SLC35A5: variants seen among roughly 807,000 people sequenced by gnomAD.
The protein encoded by SLC35A5 is UDP-sugar transporter protein SLC35A5.
A neutral mutation model predicts 36.3 loss-of-function variants in SLC35A5; 28 were observed. The ratio of observed to expected loss-of-function variants is 0.77; its 90% CI spans 0.57 to 1.06. The LOEUF is 1.06. Ranked by LOEUF, SLC35A5 falls within the 50% of genes least tolerant of loss-of-function variation. SLC35A5 has a pLI of 0.00. For synonymous variants in SLC35A5, 180 were observed against 173.7 expected, an observed-to-expected ratio of 1.04 and a Z score of -0.29; for missense variants, 521 against 499.3, an observed-to-expected ratio of 1.04 and a Z score of -0.41.
chr3:112,574,227 C>T (rs1452299384), intron 5 of SLC35A5, among the ~76,000 whole-genome samples: 1 of 152,146 alleles, frequency 6.6e-6, no homozygotes, highest in Non-Finnish European at 1.5e-5. Context: ...ATATTTAGTG[C>T]CAGATTTTCA....
intron 4 of SLC35A5, among the ~76,000 whole-genome samples, chr3:112,570,992 C>CT (rs1934411542): frequency 6.6e-6 from 1 of 152,186 alleles, no homozygotes; most frequent in South Asian, 2.1e-4. Context: ...CCACTAACCT[C>CT]TAATTATCTC....
chr3:112,563,593 G>T, intron 2 of SLC35A5, 60 bp downstream of exon 2: 1 of 1,467,400 alleles, frequency 6.8e-7, no homozygotes, highest in Middle Eastern at 1.9e-4. Context: ...TCTCTCTCTT[G>T]CCTTTGGTTC....
Position 112,582,785 on chromosome 3 carries a change from T to G in SLC35A5, c.*49T>G, listed in dbSNP as rs766609265. ...TCTCTTGAACCTTATTTTCACATTT[T>G]CAGTGTTTGTAATATTTATCTTTTC... On this transcript the variant is annotated 3_prime_UTR_variant, in exon 7 of 7. Coordinates refer to ENST00000492406, the MANE Select transcript of SLC35A5 (RefSeq NM_017945.5). 4 of 1,399,686 alleles carry G rather than the reference T, an allele frequency of 2.9e-6. No individual in the cohort carries two copies. In the Admixed American group the frequency reaches 7.1e-5, roughly 25 times the overall value. 86.7% of individuals were successfully genotyped at this position (1,399,686 alleles called of 1,614,324 possible).
intron 5 of SLC35A5, among the ~76,000 whole-genome samples, chr3:112,574,785 A>T (rs182177048): frequency 3.9e-5 from 6 of 152,092 alleles, no homozygotes; most frequent in Admixed American, 1.3e-4. Flanking sequence ...ACAAAGATTT[A>T]ATTTGTTGAG....
At chr3:112,577,801 C>T (rs1576758676) in intron 5 of SLC35A5, among the ~76,000 whole-genome samples, 2 of 152,166 alleles carry the variant, frequency 1.3e-5, no homozygotes, top group Non-Finnish European at 2.9e-5. Context: ...AAGCATTTCT[C>T]CAGAATCATT....
At chr3:112,565,176 A>G (rs1485781372) in intron 2 of SLC35A5, among the ~76,000 whole-genome samples, 1 of 151,026 alleles carries the variant, frequency 6.6e-6, no homozygotes, top group African/African-American at 2.4e-5. Context: ...CTCAAGACTT[A>G]GTTTATTAGG....
Position 112,581,182 on chromosome 3 carries a change from C to T in SLC35A5, c.1065C>T (p.Pro355=). 2 of 1,613,984 alleles carry T rather than the reference C, an allele frequency of 1.2e-6. No homozygotes were observed. The highest frequency in any genetic ancestry group is 1.6e-4 in the Middle Eastern group (1 of 6,062). ...TVSVLVFDFR[P]SLEFFLEAPS... ...CTGTCCTGGTCTTTGACTTCAGGCC[C>T]TCCCTGGAATTTTTCTTGGAAGCCC... is the stretch of plus-strand genomic sequence containing the variant. The change falls in exon 6 of 7, where the codon CCC becomes CCT. Residue 355 remains proline, a synonymous_variant. Transcript: ENST00000492406.
In SLC35A5 at chr3:112,583,277, T is replaced by C; in HGVS notation, c.*541T>C. ...ACCTGGCCATACCATAGATTTGGGA[T>C]GATGTAGTCTGTGCTAAATATTTTG... On this transcript the variant is annotated 3_prime_UTR_variant, in exon 7 of 7. Coordinates refer to ENST00000492406, the MANE Select transcript of SLC35A5 (RefSeq NM_017945.5). 5.1e-6 allele frequency: 2 copies of C among 395,800 alleles called. No individual in the cohort carries two copies. Among genetic ancestry groups the C allele is most frequent in the Non-Finnish European group, 4.5e-6 (1 of 224,562 alleles). 24.5% of individuals were successfully genotyped at this position (395,800 alleles called of 1,614,324 possible). A position where few individuals can be genotyped will look rare whatever the true frequency, so the allele number is the denominator to read the frequency against.
At chr3:112,576,746 G>A (rs977452106) in intron 5 of SLC35A5, among the ~76,000 whole-genome samples, 2 of 152,170 alleles carry the variant, frequency 1.3e-5, no homozygotes, top group Non-Finnish European at 2.9e-5. Flanking sequence ...TTTTAAAGCT[G>A]AAAAATATCT....
chr3:112,582,697 CA>C lies in SLC35A5; in HGVS notation c.1239del (p.Lys413AsnfsTer23), dbSNP rs1934985959. ...GDGEELERLT[K>X]PKSDESDEDT... ...ATGGAGAAGAACTAGAAAGACTTAC[CA>C]AACCCAAGAGTGATGAGTCAGATGA... On this transcript the variant is annotated frameshift_variant, in exon 7 of 7. Transcript: ENST00000492406. LOFTEE classifies it high-confidence loss of function. 6.2e-7 allele frequency: 1 copy of C among 1,612,434 alleles called. No individual in the cohort carries two copies. Among genetic ancestry groups the C allele is most frequent in the African/African-American group, 1.3e-5 (1 of 74,800 alleles).
intron 6 of SLC35A5, among the ~76,000 whole-genome samples, chr3:112,582,449 C>T (rs769003149): frequency 6.6e-6 from 1 of 152,122 alleles, no homozygotes; most frequent in African/African-American, 2.4e-5. Context: ...CCTCACTTTG[C>T]TCATGTTAGC....
In SLC35A5 at chr3:112,583,771, C is replaced by T. The variant is rs965302923; in HGVS notation, c.*1035C>T. The T allele has an allele frequency of 2.0e-4, 31 of 152,130 alleles. No individual in the cohort carries two copies. Among genetic ancestry groups the T allele is most frequent in the African/African-American group, 7.0e-4 (29 of 41,428 alleles). 9.4% of individuals were successfully genotyped at this position (152,130 alleles called of 1,614,324 possible). ...GACCAGTAATATATAAGTCACTTTA[C>T]AGTGCTACTTCACACTTAAAAGTGC... On this transcript the variant is annotated 3_prime_UTR_variant, in exon 7 of 7. Coordinates refer to ENST00000492406, the MANE Select transcript of SLC35A5 (RefSeq NM_017945.5).
At chr3:112,566,981 C>G (rs553493100) in intron 2 of SLC35A5, among the ~76,000 whole-genome samples, 1 of 152,264 alleles carries the variant, frequency 6.6e-6, no homozygotes, top group African/African-American at 2.4e-5. Flanking sequence ...AATCCCAGCA[C>G]TTTGGGAGGC....
Position 112,574,131 on chromosome 3 carries a change from A to T in SLC35A5, c.428+175A>T, listed in dbSNP as rs547254505. On this transcript the variant is annotated intron_variant, in intron 5 of 6. Coordinates refer to ENST00000492406, the MANE Select transcript of SLC35A5 (RefSeq NM_017945.5). ...TAGAAAGCAGCTCCAGTGCTAGTCC[A>T]TCTAAATCCTCTGTGATCAGATGAA... 2.0e-5 allele frequency among the ~76,000 whole-genome samples: 3 copies of T among 152,336 alleles called. No individual in the cohort carries two copies. The East Asian group carries it at 5.8e-4, about 29-fold the overall frequency.
chr3:112,575,882 C>T (rs1934648783), intron 5 of SLC35A5, among the ~76,000 whole-genome samples: 1 of 151,152 alleles, frequency 6.6e-6, no homozygotes, highest in Middle Eastern at 3.2e-3. Flanking sequence ...TCCTCAGCCT[C>T]CCAAGTAGCT....
Position 112,583,318 on chromosome 3 carries a change from CTCAGACACAACATCT to C in SLC35A5, c.*583_*597del, listed in dbSNP as rs980440934. The C allele has an allele frequency of 2.8e-5, 11 of 393,808 alleles. No individual in the cohort carries two copies. The highest frequency in any genetic ancestry group is 2.3e-4 in the African/African-American group (11 of 48,498). The allele number at this position is 393,808 out of a possible 1,614,324, so 24.4% of individuals were successfully genotyped here. A position where few individuals can be genotyped will look rare whatever the true frequency, so the allele number is the denominator to read the frequency against. On this transcript the variant is annotated 3_prime_UTR_variant, in exon 7 of 7. Coordinates refer to ENST00000492406, the MANE Select transcript of SLC35A5 (RefSeq NM_017945.5). ...AAATATTTTGCTGAAGAAGCAGTTTCTCAGACACAACATCTCAGAATTTTAATTTTTAGAAATTCA... is the reference window on the plus strand; with the variant it reads ...AAATATTTTGCTGAAGAAGCAGTTTCCAGAATTTTAATTTTTAGAAATTCA...
chr3:112,561,583 C>T (rs1384427049), upstream of SLC35A5: 4 of 1,550,310 alleles, frequency 2.6e-6, no homozygotes, highest in East Asian at 9.3e-5. Context: ...GCAGCCGTGT[C>T]AGGGGCCAGG....
chr3:112,574,007 C>A (rs373457919), intron 5 of SLC35A5, 51 bp downstream of exon 5: 5 of 1,479,570 alleles, frequency 3.4e-6, no homozygotes, highest in Non-Finnish European at 4.7e-6. Flanking sequence ...TAACATAGCC[C>A]GGTTTCAAAT....
At chr3:112,562,342 A>C (rs1434781145) in intron 1 of SLC35A5, 69 bp downstream of exon 1, 1 of 152,328 alleles carries the variant, frequency 6.6e-6, no homozygotes, top group Admixed American at 6.5e-5. Flanking sequence ...GAAGAGCCCT[A>C]CTGCGCATGT....
Sources: allele counts gnomAD v4.1 joint callset (sites outside exome capture counted in the v4.1 genomes callset), GRCh38; gene constraint gnomAD v4.1.1; transcripts MANE v1.5; gene names NCBI Gene and HGNC (gene_info 2026-07-23, HGNC 2026-07-21).